ZBTB10: variants seen among roughly 807,000 people sequenced by gnomAD.
ZBTB10 encodes the protein zinc finger and BTB domain-containing protein 10.
ZBTB10 carries 32 observed loss-of-function variants against 76.4 expected under a neutral mutation model. The ratio of observed to expected loss-of-function variants is 0.42; its 90% CI spans 0.32 to 0.56. The LOEUF (loss-of-function observed/expected upper bound fraction) is 0.56, where lower values mean the gene tolerates loss of function less well. ZBTB10 is among the 20% of genes least tolerant of loss of function. The pLI is 0.14. For missense variants in ZBTB10, 1,057 were observed against 1,098.5 expected (o/e 0.96, Z 0.53); for synonymous variants, 523 against 432.9 (o/e 1.21, Z -2.58).
At chr8:80,489,459 A>C (rs1815567903) in intron 1 of ZBTB10, among the ~76,000 whole-genome samples, 1 of 152,176 alleles carries the variant, frequency 6.6e-6, no homozygotes, top group Non-Finnish European at 1.5e-5. Flanking sequence ...GAAAATTTTA[A>C]ATGGGATGAA....
chr8:80,485,953 GC>G, upstream of ZBTB10: 1 of 1,465,436 alleles, frequency 6.8e-7, no homozygotes, highest in Non-Finnish European at 9.2e-7. Context: ...GCGTAGCCCG[GC>G]CCCGGCCGCA....
chr8:80,489,483 CT>C (rs1338558961), intron 1 of ZBTB10, among the ~76,000 whole-genome samples: 1 of 152,162 alleles, frequency 6.6e-6, no homozygotes, highest in Non-Finnish European at 1.5e-5. Flanking sequence ...TCTTAATCGG[CT>C]GTGGACCAAT....
intron 1 of ZBTB10, among the ~76,000 whole-genome samples, chr8:80,490,271 T>G (rs746041455): frequency 6.6e-6 from 1 of 151,272 alleles, no homozygotes; most frequent in Non-Finnish European, 1.5e-5. Context: ...TTTTGTTTTG[T>G]TTTTTTGAGA....
intron 2 of ZBTB10, among the ~76,000 whole-genome samples, chr8:80,509,997 C>G (rs530087017): frequency 6.6e-6 from 1 of 152,194 alleles, no homozygotes; most frequent in South Asian, 2.1e-4. Flanking sequence ...AAATGCAATA[C>G]ATGGTTAATT....
intron 2 of ZBTB10, among the ~76,000 whole-genome samples, chr8:80,512,748 A>G (rs897193566): frequency 5.9e-5 from 9 of 152,184 alleles, no homozygotes; most frequent in Admixed American, 4.6e-4. Flanking sequence ...AAAAAAGAAA[A>G]AAATCAGTCG....
chr8:80,490,568 C>A (rs965354088), intron 1 of ZBTB10, among the ~76,000 whole-genome samples: 1 of 152,148 alleles, frequency 6.6e-6, no homozygotes, highest in African/African-American at 2.4e-5. Context: ...CCAATCAGTT[C>A]TCCTTTTTAT....
Position 80,500,105 on chromosome 8 carries a change from A to G in ZBTB10, c.1584A>G (p.Ile528Met). 1 of 1,614,020 alleles carries G rather than the reference A, an allele frequency of 6.2e-7. No homozygotes were observed. Among genetic ancestry groups the G allele is most frequent in the Non-Finnish European group, 8.5e-7 (1 of 1,179,882 alleles). ...GTTGTAATGTCGACGAGGGCCAAATAGAAAACTACCAAATGAATGACAGTA... is the reference window on the plus strand; with the variant it reads ...GTTGTAATGTCGACGAGGGCCAAATGGAAAACTACCAAATGAATGACAGTA... ...NDGCNVDEGQ[I>M]ENYQMNDSSW... Residue 528 changes from isoleucine (I) to methionine (M), a missense_variant, in exon 2 of 6, where the codon ATA (isoleucine) becomes ATG (methionine). Around this residue, in one of 5 missense-constraint regions of ZBTB10, gnomAD observed 306 missense variants for 297.5 expected, o/e 1.03. Transcript: ENST00000455036.
At position 80,519,260 on chromosome 8, in the gene ZBTB10, G is replaced by C; in HGVS notation, c.2348G>C (p.Cys783Ser). ...GATAAAAAATACAAATGTATGGTGT[G>C]TAAGAAGATCTTCATGTTAGCAGCC... is the stretch of plus-strand genomic sequence containing the variant. ...KKDKKYKCMVCKKIFMLAASV... is the reference protein window; with the variant it reads ...KKDKKYKCMVSKKIFMLAASV... The change falls in exon 6 of 6, where the codon TGT becomes TCT. Residue 783 changes from cysteine to serine, a missense_variant. By Grantham distance (112) the Cys-to-Ser change is moderately radical. Around this residue, in one of 5 missense-constraint regions of ZBTB10, gnomAD observed 54 missense variants for 138.1 expected, o/e 0.39. Transcript: ENST00000455036. The C allele has an allele frequency of 6.2e-7, 1 of 1,613,752 alleles. No individual in the cohort carries two copies. The highest frequency in any genetic ancestry group is 8.5e-7 in the Non-Finnish European group (1 of 1,179,772).
At chr8:80,514,555 C>G (rs1329434499) in intron 3 of ZBTB10, among the ~76,000 whole-genome samples, 3 of 152,076 alleles carry the variant, frequency 2.0e-5, no homozygotes, top group African/African-American at 7.2e-5. Context: ...TTTTGCAATC[C>G]CCACAGGAAA....
intron 2 of ZBTB10, among the ~76,000 whole-genome samples, chr8:80,508,592 G>A (rs1361059206): frequency 1.3e-5 from 2 of 152,160 alleles, no homozygotes; most frequent in Non-Finnish European, 2.9e-5. Flanking sequence ...GGGGTGCAGT[G>A]GAACAGTCCT....
intron 1 of ZBTB10, among the ~76,000 whole-genome samples, chr8:80,493,207 G>GCGCGTGCGCGCA (rs375071529): frequency 1.4e-4 from 17 of 125,244 alleles, no homozygotes; most frequent in African/African-American, 5.3e-4. Flanking sequence ...GCGCGCGCGC[G>GCGCGTGCGCGCA]CACACACACA....
intron 2 of ZBTB10, among the ~76,000 whole-genome samples, chr8:80,511,808 T>A (rs1177550188): frequency 6.6e-6 from 1 of 152,188 alleles, no homozygotes; most frequent in Non-Finnish European, 1.5e-5. Flanking sequence ...TTTAGTGATA[T>A]AAGTTGCAAA....
In ZBTB10 at chr8:80,525,019, AT is replaced by A. The variant is rs1345591004; in HGVS notation, c.*5492del. 5 of 152,048 alleles carry A rather than the reference AT, an allele frequency of 3.3e-5. No individual in the cohort carries two copies. Among genetic ancestry groups the A allele is most frequent in the Admixed American group, 3.3e-4 (5 of 15,260 alleles). The allele number at this position is 152,048 out of a possible 1,614,324, so 9.4% of individuals were successfully genotyped here. A position where few individuals can be genotyped will look rare whatever the true frequency, so the allele number is the denominator to read the frequency against. ...AAACACTAAAATGATAAAATTTGGT[AT>A]GTATAAGTACTGGACGAAGGATGTT... On this transcript the variant is annotated 3_prime_UTR_variant, in exon 6 of 6. Transcript: ENST00000455036.
Position 80,525,859 on chromosome 8 carries a change from A to G in ZBTB10, c.*6331A>G, listed in dbSNP as rs1256504291. 1.3e-5 allele frequency: 2 copies of G among 152,148 alleles called. No homozygotes were observed. The highest frequency in any genetic ancestry group is 2.9e-5 in the Non-Finnish European group (2 of 68,028). The allele number at this position is 152,148 out of a possible 1,614,324, so 9.4% of individuals were successfully genotyped here. Reference sequence around the variant, plus strand: ...TAAGGATTTTGCCTATTAGTATCATATGGCATGTAGCTATCAAGCCAGTTT... The same window carrying G: ...TAAGGATTTTGCCTATTAGTATCATGTGGCATGTAGCTATCAAGCCAGTTT... On this transcript the variant is annotated 3_prime_UTR_variant, in exon 6 of 6. Transcript: ENST00000455036.
At chr8:80,488,807 C>T (rs1220616831) in intron 1 of ZBTB10, among the ~76,000 whole-genome samples, 1 of 152,140 alleles carries the variant, frequency 6.6e-6, no homozygotes, top group Non-Finnish European at 1.5e-5. Flanking sequence ...ATTGGTTAGC[C>T]AGTCGTTGAT....
At chr8:80,516,494 A>G (rs1442892055) in intron 3 of ZBTB10, among the ~76,000 whole-genome samples, 1 of 152,206 alleles carries the variant, frequency 6.6e-6, no homozygotes, top group Non-Finnish European at 1.5e-5. Flanking sequence ...TGTGAAACTA[A>G]CAGTAGGTTG....
intron 1 of ZBTB10, among the ~76,000 whole-genome samples, chr8:80,496,307 G>A (rs951955500): frequency 6.6e-6 from 1 of 151,044 alleles, no homozygotes; most frequent in African/African-American, 2.4e-5. Context: ...TCTCCTTAGA[G>A]AGTACACATA....
intron 2 of ZBTB10, among the ~76,000 whole-genome samples, chr8:80,502,951 T>A (rs1815962831): frequency 6.6e-6 from 1 of 152,176 alleles, no homozygotes; most frequent in Admixed American, 6.5e-5. Context: ...GTAAAGGGTC[T>A]CTCTTCTGTG....
Position 80,525,961 on chromosome 8 carries a change from A to G in ZBTB10, c.*6433A>G, listed in dbSNP as rs1474722404. 1 of 152,186 alleles carries G rather than the reference A, an allele frequency of 6.6e-6. No individual in the cohort carries two copies. Among genetic ancestry groups the G allele is most frequent in the Non-Finnish European group, 1.5e-5 (1 of 68,030 alleles). 9.4% of individuals were successfully genotyped at this position (152,186 alleles called of 1,614,324 possible). A position where few individuals can be genotyped will look rare whatever the true frequency, so the allele number is the denominator to read the frequency against. On this transcript the variant is annotated 3_prime_UTR_variant, in exon 6 of 6. Coordinates refer to ENST00000455036, the MANE Select transcript of ZBTB10 (RefSeq NM_001105539.3). ...CCTTTGGGATCCTTTCCCTGGATAC[A>G]TAACCCTAGTAGATAATGTTACTGC...
Sources: gnomAD v4.1 joint callset for allele counts (sites outside exome capture counted in the v4.1 genomes callset) on GRCh38, gnomAD v4.1.1 for gene constraint, gnomAD v4.1.1 regional missense constraint, MANE v1.5 for transcripts, NCBI Gene and HGNC (gene_info 2026-07-23, HGNC 2026-07-21) for gene names.